The following KANSL1 variants were observed in gnomAD, a reference collection of about 807,000 sequenced individuals.
The protein encoded by KANSL1 is KAT8 regulatory NSL complex subunit 1, also known as MLL1/MLL complex subunit KANSL1.
A neutral mutation model predicts 103.6 loss-of-function variants in KANSL1; 22 were observed. The observed-to-expected ratio is 0.21, with a 90% CI of 0.15 to 0.30. KANSL1 has a LOEUF of 0.30. Among genes scored for constraint, KANSL1 ranks in the 10% least tolerant of loss-of-function variants. The probability of loss-of-function intolerance (pLI) is 1.00; values close to 1 mark genes in which losing one functional copy is unlikely to be tolerated. For synonymous variants in KANSL1, 600 were observed against 527.6 expected (o/e 1.14, Z -1.88); for missense variants, 1,337 against 1,399.8 (o/e 0.96, Z 0.72).
intron 2 of KANSL1, among the ~76,000 whole-genome samples, chr17:46,124,183 G>C (rs1396165350): frequency 6.6e-6 from 1 of 152,190 alleles, no homozygotes; most frequent in Non-Finnish European, 1.5e-5. Context: ...AGAACTGCTT[G>C]AGCCCAGTAG....
At chr17:46,124,477 T>C (rs2147215192) in intron 2 of KANSL1, among the ~76,000 whole-genome samples, 1 of 152,358 alleles carries the variant, frequency 6.6e-6, no homozygotes, top group African/African-American at 2.4e-5. Flanking sequence ...TCATGCCTGT[T>C]AACACAACAT....
rs200449833 is a variant in KANSL1 at position 46,066,718 on chromosome 17, A to C, written c.1667T>G (p.Leu556Trp). 23 of 1,613,886 alleles carry C rather than the reference A, an allele frequency of 1.4e-5. No homozygotes were observed. In the African/African-American group the frequency reaches 2.7e-4, roughly 19 times the overall value. Residue 556 changes from leucine to tryptophan, a missense_variant, in exon 6 of 15, where the codon TTG becomes TGG. Leu to Trp is a moderately conservative substitution (Grantham distance 61). Coordinates refer to ENST00000432791, the MANE Select transcript of KANSL1 (RefSeq NM_015443.4). ...NGVINTLQPV[L>W]ADHIPGDSSD... ...GCTGTCACCTGGAATGTGGTCTGCC[A>C]AGACAGGCTGAAGACTATACAAGGG...
At chr17:46,105,076 G>C (rs974591868) in intron 2 of KANSL1, among the ~76,000 whole-genome samples, 1 of 152,136 alleles carries the variant, frequency 6.6e-6, no homozygotes, top group African/African-American at 2.4e-5. Context: ...GCTTCCCAAA[G>C]TGCTGGAATT....
At chr17:46,039,641 A>T in intron 8 of KANSL1, 61 bp downstream of exon 8, 1 of 1,541,684 alleles carries the variant, frequency 6.5e-7, no homozygotes, top group Non-Finnish European at 8.8e-7. Flanking sequence ...AAATTTGAGA[A>T]TATAAAAGGA....
intron 1 of KANSL1, among the ~76,000 whole-genome samples, chr17:46,214,619 G>A (rs920033366): frequency 7.2e-5 from 11 of 152,244 alleles, no homozygotes; most frequent in African/African-American, 2.2e-4. Context: ...GCGCCGTTGC[G>A]CTCCAGCCTG....
At chr17:46,164,974 G>A (rs1275255843) in intron 2 of KANSL1, among the ~76,000 whole-genome samples, 1 of 152,162 alleles carries the variant, frequency 6.6e-6, no homozygotes, top group Non-Finnish European at 1.5e-5. Flanking sequence ...CGGGTGTTTG[G>A]TGCATGCCTG....
chr17:46,193,689 A>T (rs952390119), upstream of KANSL1: 3 of 300,160 alleles, frequency 1.0e-5, no homozygotes, highest in African/African-American at 6.9e-5. Flanking sequence ...ACGTGCGGCG[A>T]CGGCACGCAG....
At chr17:46,081,850 C>A (rs569397831) in intron 4 of KANSL1, among the ~76,000 whole-genome samples, 4 of 152,056 alleles carry the variant, frequency 2.6e-5, no homozygotes, top group African/African-American at 9.6e-5. Flanking sequence ...TTCATAAAAC[C>A]CAGTAACCTT....
At chr17:46,114,188 G>A (rs558668742) in intron 2 of KANSL1, among the ~76,000 whole-genome samples, 13 of 152,224 alleles carry the variant, frequency 8.5e-5, no homozygotes, top group Non-Finnish European at 1.5e-4. Flanking sequence ...GTGAAACCCC[G>A]TCTCTACTAA....
intron 6 of KANSL1, among the ~76,000 whole-genome samples, chr17:46,065,423 A>G (rs2078342327): frequency 1.3e-5 from 2 of 152,242 alleles, no homozygotes; most frequent in South Asian, 4.1e-4. Flanking sequence ...CGTTGCAGGA[A>G]GCCAATAAAT....
chr17:46,134,841 T>C (rs2044042260), intron 2 of KANSL1, among the ~76,000 whole-genome samples: 2 of 146,480 alleles, frequency 1.4e-5, no homozygotes, highest in Admixed American at 6.9e-5. Flanking sequence ...TGAGACTCGG[T>C]CTCCAAAAAA....
chr17:46,166,210 T>G (rs1280205275), intron 2 of KANSL1, among the ~76,000 whole-genome samples: 1 of 82,658 alleles, frequency 1.2e-5, no homozygotes, highest in Non-Finnish European at 3.0e-5. Flanking sequence ...TGAGACTCTG[T>G]CTCAAAAAAA....
chr17:46,069,298 A>G (rs957261242), intron 4 of KANSL1, among the ~76,000 whole-genome samples: 2 of 152,158 alleles, frequency 1.3e-5, no homozygotes, highest in African/African-American at 2.4e-5. Context: ...TTCAAGGTAA[A>G]TATTCCTATA....
chr17:46,068,824 T>A (rs1288423652), intron 4 of KANSL1, among the ~76,000 whole-genome samples: 2 of 152,184 alleles, frequency 1.3e-5, no homozygotes, highest in African/African-American at 4.8e-5. Context: ...TGAATGCCAG[T>A]CATATAGCAC....
At chr17:46,218,077 A>G (rs968441230) in intron 1 of KANSL1, among the ~76,000 whole-genome samples, 1 of 152,222 alleles carries the variant, frequency 6.6e-6, no homozygotes, top group African/African-American at 2.4e-5. Flanking sequence ...GACTGGAGTT[A>G]TGCTGCCACC....
intron 4 of KANSL1, among the ~76,000 whole-genome samples, chr17:46,071,787 T>C (rs1254358343): frequency 6.6e-6 from 1 of 152,154 alleles, no homozygotes; most frequent in Non-Finnish European, 1.5e-5. Flanking sequence ...AAGCTTCCAT[T>C]TGAATTTTAT....
intron 1 of KANSL1, among the ~76,000 whole-genome samples, chr17:46,179,258 C>T (rs2046670330): frequency 6.6e-6 from 1 of 152,192 alleles, no homozygotes; most frequent in Non-Finnish European, 1.5e-5. Context: ...AAAAGCAAAA[C>T]GTATCCAGCT....
At chr17:46,083,556 T>C (rs1025315545) in intron 3 of KANSL1, among the ~76,000 whole-genome samples, 13 of 152,056 alleles carry the variant, frequency 8.5e-5, no homozygotes, top group African/African-American at 2.7e-4. Flanking sequence ...GGTGGGTACA[T>C]GGAGGTGGGT....
intron 2 of KANSL1, among the ~76,000 whole-genome samples, chr17:46,160,769 T>C (rs2045693367): frequency 6.6e-6 from 1 of 152,226 alleles, no homozygotes; most frequent in South Asian, 2.1e-4. Context: ...ATGCCATTAT[T>C]TTACATGATG....
Sources: gnomAD v4.1 joint callset for allele counts (sites outside exome capture counted in the v4.1 genomes callset) on GRCh38, gnomAD v4.1.1 for gene constraint, MANE v1.5 for transcripts, NCBI Gene and HGNC (gene_info 2026-07-23, HGNC 2026-07-21) for gene names.